CA5A: variants seen among roughly 807,000 people sequenced by gnomAD.
The protein encoded by CA5A is carbonic anhydrase 5A, mitochondrial.
Under a neutral mutation model 37.1 loss-of-function variants are expected in CA5A, and 28 were observed. That is an observed-to-expected ratio of 0.75 (90% CI 0.56 to 1.03). CA5A has a LOEUF of 1.03. Among genes scored for constraint, CA5A ranks in the 50% least tolerant of loss-of-function variants. CA5A has a pLI of 0.00. For synonymous variants in CA5A, 171 were observed against 158.4 expected (o/e 1.08, Z -0.60); for missense variants, 444 against 399.9 (o/e 1.11, Z -0.94).
intron 1 of CA5A, among the ~76,000 whole-genome samples, chr16:87,931,295 A>G (rs923485250): frequency 1.3e-5 from 2 of 151,080 alleles, no homozygotes; most frequent in Non-Finnish European, 1.5e-5. Flanking sequence ...TATTTTTAGT[A>G]GAGACGGGGT....
In CA5A at chr16:87,904,814, G is replaced by A. The variant is rs2055934979; in HGVS notation, c.431C>T (p.Thr144Ile). Reference protein sequence around the residue: ...GAVNEGGSEHTVDGHAYPAEL... With the variant: ...GAVNEGGSEHIVDGHAYPAEL... ...TGCGGGGTACGCGTGGCCGTCCACT[G>A]TGTGCTCTGAGCCCCCCTCGTTCAC... Residue 144 changes from threonine to isoleucine, a missense_variant, in exon 3 of 7, where the codon ACA becomes ATA. Physicochemically the swap from Thr to Ile is moderately conservative, Grantham distance 89. Coordinates refer to ENST00000649794, the MANE Select transcript of CA5A (RefSeq NM_001739.2). 6.2e-7 allele frequency: 1 copy of A among 1,611,642 alleles called. No individual in the cohort carries two copies. Among genetic ancestry groups the A allele is most frequent in the South Asian group, 1.1e-5 (1 of 91,016 alleles).
intron 1 of CA5A, among the ~76,000 whole-genome samples, chr16:87,930,396 A>C (rs1347670213): frequency 1.3e-5 from 2 of 152,192 alleles, no homozygotes; most frequent in East Asian, 3.8e-4. Context: ...TGGCTGCTCC[A>C]GGCTGGTGTC....
Position 87,936,368 on chromosome 16 carries a change from A to G in CA5A, c.83T>C (p.Met28Thr), listed in dbSNP as rs1382893580. ...CTGAGAACACCATCGCCCTGGCCTC[A>G]TCGAACGACTCCAGAGAGGGGCCCA... is the stretch of plus-strand genomic sequence containing the variant. Reference protein sequence around the residue: ...QMWAPLWSRSMRPGRWCSQRS... With the variant: ...QMWAPLWSRSTRPGRWCSQRS... The change falls in exon 1 of 7, where the codon ATG (methionine) becomes ACG (threonine). Residue 28 changes from methionine (M) to threonine (T), a missense_variant. Physicochemically the swap from Met to Thr is moderately conservative, Grantham distance 81. Coordinates refer to ENST00000649794, the MANE Select transcript of CA5A (RefSeq NM_001739.2). 9.3e-6 allele frequency: 15 copies of G among 1,613,960 alleles called. No homozygotes were observed. The highest frequency in any genetic ancestry group is 1.3e-5 in the Non-Finnish European group (15 of 1,179,990).
chr16:87,925,104 C>G (rs1023112933), intron 2 of CA5A, among the ~76,000 whole-genome samples: 1 of 152,178 alleles, frequency 6.6e-6, no homozygotes, highest in Non-Finnish European at 1.5e-5. Flanking sequence ...AGTGAGTGAG[C>G]AAGATCCCCA....
At chr16:87,923,851 A>G (rs1597581276) in intron 2 of CA5A, 6 of 984,616 alleles carry the variant, frequency 6.1e-6, no homozygotes, top group South Asian at 4.7e-5. Context: ...CATGACAACT[A>G]TTGTTCTCAA....
intron 6 of CA5A, among the ~76,000 whole-genome samples, chr16:87,891,038 G>A (rs112221048): frequency 1.1e-4 from 17 of 151,576 alleles, no homozygotes; most frequent in Non-Finnish European, 2.5e-4. Context: ...AAGTGATCTG[G>A]CTGCCTTGGC....
At chr16:87,921,661 G>A (rs1222792576) in intron 2 of CA5A, among the ~76,000 whole-genome samples, 9 of 152,154 alleles carry the variant, frequency 5.9e-5, no homozygotes, top group Admixed American at 4.6e-4. Context: ...TCGCTCCCAA[G>A]GAAAACAGGA....
rs2056331186 is a variant in CA5A at position 87,927,670 on chromosome 16, G to A, written c.143-725C>T. Among the ~76,000 whole-genome samples the A allele has an allele frequency of 2.0e-5, 3 of 152,082 alleles. 1 individual carries two copies. The South Asian group carries it at 6.2e-4, about 32-fold the overall frequency. The stretch of plus-strand genomic sequence containing the variant: ...GAGGTCAGGAGTTTGAGACCAGCCT[G>A]ACCAACATGGCAAAACCCCATCATT... On this transcript the variant is annotated intron_variant, in intron 1 of 6. Transcript: ENST00000649794.
At chr16:87,913,573 C>G (rs2056083686) in intron 2 of CA5A, among the ~76,000 whole-genome samples, 1 of 152,102 alleles carries the variant, frequency 6.6e-6, no homozygotes, top group African/African-American at 2.4e-5. Context: ...CTCAGCATTC[C>G]TCTTCCGTGG....
intron 1 of CA5A, among the ~76,000 whole-genome samples, chr16:87,935,852 G>A (rs2056463641): frequency 1.3e-5 from 2 of 151,400 alleles, no homozygotes; most frequent in Admixed American, 1.3e-4. Flanking sequence ...CTCTAGCCTG[G>A]GCAAAAGAGC....
intron 2 of CA5A, chr16:87,923,491 C>A: frequency 1.0e-6 from 1 of 955,696 alleles, no homozygotes. Flanking sequence ...CCCAGCCTGG[C>A]AGTGCTTTTA....
intron 1 of CA5A, among the ~76,000 whole-genome samples, chr16:87,933,337 G>A (rs780568713): frequency 6.6e-6 from 1 of 152,176 alleles, no homozygotes; most frequent in Non-Finnish European, 1.5e-5. Flanking sequence ...GGCACTGCCA[G>A]TGCACACCCT....
At chr16:87,925,579 C>A (rs1236736798) in intron 2 of CA5A, 1 of 152,336 alleles carries the variant, frequency 6.6e-6, no homozygotes, top group South Asian at 2.1e-4. Context: ...CTTACAGTGA[C>A]ACCAGCTGGT....
intron 5 of CA5A, chr16:87,893,025 A>G (rs2055746578): frequency 4.1e-6 from 5 of 1,233,266 alleles, no homozygotes; most frequent in Non-Finnish European, 5.8e-6. Flanking sequence ...GATGGCAGAC[A>G]AGAATGTGCC....
In CA5A at chr16:87,930,964, C is replaced by A. The variant is rs145399206; in HGVS notation, c.143-4019G>T. 4.0e-3 allele frequency among the ~76,000 whole-genome samples: 608 copies of A among 152,038 alleles called. 6 individuals carry two copies. The highest frequency in any genetic ancestry group is 0.013 in the African/African-American group (556 of 41,456). Reference sequence around the variant, plus strand: ...CCGTGTTGGCTAGGATGGTCTCGATCTCCTGACCTTGTGATCTGCCTGCCT... The same window carrying A: ...CCGTGTTGGCTAGGATGGTCTCGATATCCTGACCTTGTGATCTGCCTGCCT... On this transcript the variant is annotated intron_variant, in intron 1 of 6. Transcript: ENST00000649794.
intron 2 of CA5A, among the ~76,000 whole-genome samples, chr16:87,906,425 A>T (rs1451175139): frequency 1.3e-5 from 2 of 151,790 alleles, no homozygotes; most frequent in Non-Finnish European, 2.9e-5. Context: ...GTCAGGAGTT[A>T]GAGACCAGCC....
At chr16:87,896,919 C>G (rs1440748359) in intron 5 of CA5A, among the ~76,000 whole-genome samples, 3 of 152,256 alleles carry the variant, frequency 2.0e-5, no homozygotes, top group African/African-American at 7.2e-5. Context: ...GGATTATAGG[C>G]GTGAGCCACG....
intron 3 of CA5A, among the ~76,000 whole-genome samples, chr16:87,903,532 G>C (rs918820268): frequency 6.7e-6 from 1 of 150,354 alleles, no homozygotes; most frequent in African/African-American, 2.4e-5. Context: ...TTAAATGAAA[G>C]GAAGCACACA....
downstream of CA5A, chr16:87,886,760 A>G (rs951519509): frequency 6.6e-6 from 1 of 152,226 alleles, no homozygotes; most frequent in Non-Finnish European, 1.5e-5. Flanking sequence ...AACTATTCAC[A>G]GAAGAGCCCA....
Sources: gnomAD v4.1 joint callset for allele counts (sites outside exome capture counted in the v4.1 genomes callset) on GRCh38, gnomAD v4.1.1 for gene constraint, MANE v1.5 for transcripts, NCBI Gene and HGNC (gene_info 2026-07-23, HGNC 2026-07-21) for gene names.